SLC1A1: variants seen among roughly 807,000 people sequenced by gnomAD.
The protein encoded by SLC1A1 is solute carrier family 1 member 1.
A neutral mutation model predicts 53.3 loss-of-function variants in SLC1A1; 43 were observed. The ratio of observed to expected loss-of-function variants is 0.81; its 90% confidence interval spans 0.63 to 1.04. The LOEUF (loss-of-function observed/expected upper bound fraction) is 1.04, where lower values mean the gene tolerates loss of function less well. Among genes scored for constraint, SLC1A1 ranks in the 50% least tolerant of loss-of-function variants. SLC1A1 has a pLI of 0.00. For missense variants in SLC1A1, 748 were observed against 664.9 expected, an observed-to-expected ratio of 1.12 and a Z score of -1.37; for synonymous variants, 307 against 243.2, an observed-to-expected ratio of 1.26 and a Z score of -2.44.
At chr9:4,567,908 A>T in intron 6 of SLC1A1, 141 bp downstream of exon 6, 1 of 709,226 alleles carries the variant, frequency 1.4e-6, no homozygotes, top group East Asian at 2.7e-5. Context: ...TGTGACCCCA[A>T]AATCCATACT....
chr9:4,570,376 ATT>A (rs947133531), intron 6 of SLC1A1, among the ~76,000 whole-genome samples: 1 of 145,920 alleles, frequency 6.9e-6, no homozygotes, highest in African/African-American at 2.5e-5. Context: ...CCTCAACATA[ATT>A]TTTTTTTTTT....
intron 1 of SLC1A1, among the ~76,000 whole-genome samples, chr9:4,501,633 G>A (rs1586690892): frequency 1.3e-5 from 2 of 151,564 alleles, no homozygotes. Flanking sequence ...GTATGGTGGT[G>A]CATGCCTGTA....
At chr9:4,538,796 G>A (rs1816775615) in intron 1 of SLC1A1, among the ~76,000 whole-genome samples, 1 of 152,166 alleles carries the variant, frequency 6.6e-6, no homozygotes, top group Admixed American at 6.5e-5. Flanking sequence ...AGATGAGAAA[G>A]GGATACAGAT....
At chr9:4,550,397 G>C (rs1817827571) in intron 2 of SLC1A1, among the ~76,000 whole-genome samples, 1 of 152,128 alleles carries the variant, frequency 6.6e-6, no homozygotes, top group South Asian at 2.1e-4. Context: ...CTTTTTGTTG[G>C]GAAAGGGTGG....
At chr9:4,539,458 G>A (rs1816823450) in intron 1 of SLC1A1, among the ~76,000 whole-genome samples, 1 of 152,162 alleles carries the variant, frequency 6.6e-6, no homozygotes, top group East Asian at 1.9e-4. Flanking sequence ...TGGAAGAAAT[G>A]ATATTCTGTG....
intron 1 of SLC1A1, among the ~76,000 whole-genome samples, chr9:4,520,670 T>A (rs908385898): frequency 1.3e-5 from 2 of 152,236 alleles, no homozygotes; most frequent in African/African-American, 2.4e-5. Context: ...AATAATAAAT[T>A]GGGCACTTAG....
At chr9:4,562,242 T>C (rs1315586598) in intron 3 of SLC1A1, among the ~76,000 whole-genome samples, 1 of 151,398 alleles carries the variant, frequency 6.6e-6, no homozygotes, top group East Asian at 1.9e-4. Context: ...CAGCTAATTT[T>C]TGTATTTTTT....
chr9:4,565,170 G>A (rs1216199630), intron 4 of SLC1A1, among the ~76,000 whole-genome samples: 1 of 152,002 alleles, frequency 6.6e-6, no homozygotes, highest in Non-Finnish European at 1.5e-5. Flanking sequence ...AAAAATTTTA[G>A]TCACTGGCCT....
intron 10 of SLC1A1, among the ~76,000 whole-genome samples, chr9:4,578,855 G>T (rs986187649): frequency 5.3e-5 from 8 of 152,198 alleles, no homozygotes; most frequent in Admixed American, 2.0e-4. Context: ...GTGATAGGCT[G>T]GGATTAGAGT....
Position 4,494,488 on chromosome 9 carries a change from A to G in SLC1A1, c.91+3718A>G, listed in dbSNP as rs368622714. Among the ~76,000 whole-genome samples, 6 of 152,238 alleles carry G rather than the reference A, an allele frequency of 3.9e-5. No homozygotes were observed. The East Asian group carries it at 5.8e-4, about 15-fold the overall frequency. The stretch of plus-strand genomic sequence containing the variant: ...CTGTGTCCTGCTTAGTGTCCCGCCT[A>G]TAATTTAGGGTGACTCAAGTGTTTT... On this transcript the variant is annotated intron_variant, in intron 1 of 11. Transcript: ENST00000262352.
chr9:4,503,752 A>C (rs561315541), intron 1 of SLC1A1, among the ~76,000 whole-genome samples: 1 of 151,912 alleles, frequency 6.6e-6, no homozygotes, highest in Non-Finnish European at 1.5e-5. Flanking sequence ...CAAGAATGCA[A>C]TACTACACAG....
At chr9:4,493,356 C>T (rs1820303056) in intron 1 of SLC1A1, among the ~76,000 whole-genome samples, 1 of 152,140 alleles carries the variant, frequency 6.6e-6, no homozygotes, top group South Asian at 2.1e-4. Flanking sequence ...TCTGTAAGGG[C>T]TGATTTGTTT....
chr9:4,572,659 C>A (rs866623031), intron 7 of SLC1A1, among the ~76,000 whole-genome samples: 1 of 152,136 alleles, frequency 6.6e-6, no homozygotes, highest in Non-Finnish European at 1.5e-5. Flanking sequence ...GCGATCCTCC[C>A]GTCTCAGCTA....
chr9:4,558,322 AC>A (rs1818618264), intron 2 of SLC1A1, among the ~76,000 whole-genome samples: 1 of 152,206 alleles, frequency 6.6e-6, no homozygotes, highest in South Asian at 2.1e-4. Flanking sequence ...GTAGAGGGTA[AC>A]TATAGAGTGG....
Position 4,490,746 on chromosome 9 carries a change from T to A in SLC1A1, c.67T>A (p.Ser23Thr), listed in dbSNP as rs746488112. Reference sequence around the variant, plus strand: ...CCTGAAGAATAACTGGGTGTTGCTGTCCACCGTGGCCGCGGTGGTGCTAGG... The same window carrying A: ...CCTGAAGAATAACTGGGTGTTGCTGACCACCGTGGCCGCGGTGGTGCTAGG... ...RFLKNNWVLL[S>T]TVAAVVLGIT... is the part of the protein sequence containing the mutation. Residue 23 changes from serine (S) to threonine (T), a missense_variant, in exon 1 of 12, where the codon TCC becomes ACC. Coordinates refer to ENST00000262352, the MANE Select transcript of SLC1A1 (RefSeq NM_004170.6). 1 of 1,612,536 alleles carries A rather than the reference T, an allele frequency of 6.2e-7. No individual in the cohort carries two copies. Among genetic ancestry groups the A allele is most frequent in the Non-Finnish European group, 8.5e-7 (1 of 1,179,020 alleles).
intron 1 of SLC1A1, among the ~76,000 whole-genome samples, chr9:4,514,698 A>AG (rs1821106374): frequency 6.6e-6 from 1 of 152,102 alleles, no homozygotes; most frequent in African/African-American, 2.4e-5. Context: ...ACCCTATGTT[A>AG]GGGGACCACT....
At chr9:4,572,508 T>C in intron 7 of SLC1A1, 120 bp downstream of exon 7, 5 of 905,600 alleles carry the variant, frequency 5.5e-6, no homozygotes, top group Non-Finnish European at 9.2e-6. Context: ...ACATTTAATA[T>C]TGAACCACCA....
rs1194069427 is a variant in SLC1A1 at position 4,573,889 on chromosome 9, G to A, written c.768-18G>A. On this transcript the variant is annotated intron_variant, in intron 7 of 11. Transcript: ENST00000262352. ...CACTTGATGACGGAATCACGCCTCT[G>A]TTGTGCTTCCTTTCCAGTTATATGC... 6.5e-7 allele frequency: 1 copy of A among 1,542,284 alleles called. No individual in the cohort carries two copies. Among genetic ancestry groups the A allele is most frequent in the Admixed American group, 1.7e-5 (1 of 59,924 alleles).
intron 1 of SLC1A1, among the ~76,000 whole-genome samples, chr9:4,495,535 A>G (rs1196263166): frequency 1.3e-5 from 2 of 152,156 alleles, no homozygotes; most frequent in Non-Finnish European, 2.9e-5. Context: ...AAACAGGGTG[A>G]CAGGGGAGGC....
Sources: gnomAD v4.1 joint callset for allele counts (sites outside exome capture counted in the v4.1 genomes callset) on GRCh38, gnomAD v4.1.1 for gene constraint, MANE v1.5 for transcripts, NCBI Gene and HGNC (gene_info 2026-07-23, HGNC 2026-07-21) for gene names.